TBC1D19: variants seen among roughly 807,000 people sequenced by gnomAD.
TBC1D19 encodes the protein TBC1 domain family, member 19.
TBC1D19 carries 60 observed loss-of-function variants against 89.0 expected under a neutral mutation model. That is an observed-to-expected ratio of 0.67 (90% CI 0.55 to 0.84). The LOEUF is 0.84. Among genes scored for constraint, TBC1D19 ranks in the 40% least tolerant of loss-of-function variants. TBC1D19 has a pLI of 0.00. For missense variants in TBC1D19, 500 were observed against 610.8 expected, an observed-to-expected ratio of 0.82 and a Z score of 1.91; for synonymous variants, 189 against 199.7, an observed-to-expected ratio of 0.95 and a Z score of 0.45.
the TBC1D19 span, among the ~76,000 whole-genome samples, chr4:26,851,307 A>ATCTATCTATCTATCTG: frequency 2.2e-5 from 1 of 45,378 alleles, no homozygotes; most frequent in African/African-American, 7.0e-5. Context: ...TAAATACCCT[A>ATCTATCTATCTATCTG]TCTATCTATC....
chr4:26,759,399 A>G (rs28377734), downstream of TBC1D19, among the ~76,000 whole-genome samples: 1,061 of 152,362 alleles, frequency 7.0e-3, 10 homozygotes, highest in African/African-American at 0.024. Flanking sequence ...AGAGGAAAAA[A>G]TGAAATGGTT....
downstream of TBC1D19, among the ~76,000 whole-genome samples, chr4:26,756,236 C>T (rs1337829414): frequency 6.6e-6 from 1 of 152,144 alleles, no homozygotes; most frequent in Non-Finnish European, 1.5e-5. Flanking sequence ...CAGTTATAAT[C>T]CTATGCTTTG....
At chr4:26,811,706 A>G in the TBC1D19 span, among the ~76,000 whole-genome samples, 203 of 152,322 alleles carry the variant, frequency 1.3e-3, no homozygotes, top group South Asian at 6.0e-3. Flanking sequence ...ATTCTTGATG[A>G]TATGCTAAAC....
the TBC1D19 span, among the ~76,000 whole-genome samples, chr4:26,765,270 G>C: frequency 6.6e-6 from 1 of 152,174 alleles, no homozygotes; most frequent in African/African-American, 2.4e-5. Context: ...AGTAAGGTTG[G>C]TGCTGAAGCA....
chr4:26,724,660 C>G (rs936079947), intron 15 of TBC1D19, among the ~76,000 whole-genome samples: 3 of 152,184 alleles, frequency 2.0e-5, no homozygotes, highest in African/African-American at 7.2e-5. Context: ...TGCAGATTGG[C>G]TGGGTATTGG....
Position 26,739,948 on chromosome 4 carries a change from T to G in TBC1D19, c.1202T>G (p.Leu401Arg). Residue 401 changes from leucine (L) to arginine (R), a missense_variant, in exon 17 of 21, where the codon CTC becomes CGC. Leu to Arg is a moderately radical substitution (Grantham distance 102). Around this residue, in one of 2 missense-constraint regions of TBC1D19, gnomAD observed 220 missense variants for 319.1 expected, o/e 0.69. Coordinates refer to ENST00000264866, the MANE Select transcript of TBC1D19 (RefSeq NM_018317.4). ...REMYVRFFFR[L>R]HSISSHPSGI... Reference sequence around the variant, plus strand: ...ATGTATGTGCGTTTTTTCTTCAGACTCCATTCCATCTCTTCTCATCCTTCT... The same window carrying G: ...ATGTATGTGCGTTTTTTCTTCAGACGCCATTCCATCTCTTCTCATCCTTCT... The G allele has an allele frequency of 6.3e-7, 1 of 1,594,474 alleles. No homozygotes were observed. Among genetic ancestry groups the G allele is most frequent in the African/African-American group, 1.3e-5 (1 of 74,170 alleles).
rs371360342 is a variant in TBC1D19, at chr4:26,605,300, G to A, written c.100-7869G>A. On this transcript the variant is annotated intron_variant, in intron 1 of 20. Coordinates refer to ENST00000264866, the MANE Select transcript of TBC1D19 (RefSeq NM_018317.4). Reference sequence around the variant, plus strand: ...TTCCCATCTATGAGTGAGAACATGCGGTGTTTGGTTTTTTGTCCTTGTGAT... The same window carrying A: ...TTCCCATCTATGAGTGAGAACATGCAGTGTTTGGTTTTTTGTCCTTGTGAT... Among the ~76,000 whole-genome samples the A allele has an allele frequency of 9.6e-5, 14 of 145,736 alleles. No individual in the cohort carries two copies. In the South Asian group the frequency reaches 1.1e-3, roughly 11 times the overall value.
At chr4:26,740,007 T>A (rs749012064) in intron 17 of TBC1D19, 34 bp downstream of exon 17, 17 of 1,382,510 alleles carry the variant, frequency 1.2e-5, no homozygotes, top group Non-Finnish European at 1.6e-5. Flanking sequence ...TCAAATTAGG[T>A]TGGATTGTAA....
intron 13 of TBC1D19, among the ~76,000 whole-genome samples, chr4:26,693,123 T>TAA (rs56037009): frequency 3.7e-5 from 5 of 136,204 alleles, no homozygotes; most frequent in East Asian, 2.1e-4. Flanking sequence ...AAGACTGTCT[T>TAA]AAAAAAAAAA....
At chr4:26,817,364 C>T in the TBC1D19 span, among the ~76,000 whole-genome samples, 2,164 of 152,158 alleles carry the variant, frequency 0.014, 54 homozygotes, top group African/African-American at 0.05. Context: ...GATCAACAAA[C>T]GTCCTTTAAC....
chr4:26,857,634 A>T, the TBC1D19 span: 1 of 152,080 alleles, frequency 6.6e-6, no homozygotes, highest in Non-Finnish European at 1.5e-5. Flanking sequence ...CCCGGAACCC[A>T]GCAGCTTGAG....
chr4:26,750,109 A>T (rs1262389018), intron 19 of TBC1D19, among the ~76,000 whole-genome samples: 1 of 152,182 alleles, frequency 6.6e-6, no homozygotes, highest in Non-Finnish European at 1.5e-5. Flanking sequence ...TTTCTGGATA[A>T]TATGGCTCAT....
chr4:26,632,694 A>C (rs1288598734), intron 4 of TBC1D19, among the ~76,000 whole-genome samples: 2 of 152,030 alleles, frequency 1.3e-5, no homozygotes, highest in Non-Finnish European at 2.9e-5. Context: ...CATTTTTCTA[A>C]AAATATTTCT....
At chr4:26,703,815 G>A (rs990478079) in intron 13 of TBC1D19, among the ~76,000 whole-genome samples, 1 of 151,586 alleles carries the variant, frequency 6.6e-6, no homozygotes, top group Admixed American at 6.6e-5. Flanking sequence ...AAAAAAATTA[G>A]CTGGGCGTGG....
At chr4:26,595,027 A>G (rs759763782) in intron 1 of TBC1D19, among the ~76,000 whole-genome samples, 2 of 152,244 alleles carry the variant, frequency 1.3e-5, no homozygotes, top group Non-Finnish European at 2.9e-5. Flanking sequence ...CCTGTCTTCC[A>G]ATGAGGCTGT....
At chr4:26,630,060 G>A (rs901775754) in intron 4 of TBC1D19, among the ~76,000 whole-genome samples, 31 of 151,088 alleles carry the variant, frequency 2.1e-4, no homozygotes, top group Admixed American at 1.2e-3. Context: ...TTTTTTTTAC[G>A]TGCTATTTGT....
At chr4:26,832,884 C>G in the TBC1D19 span, among the ~76,000 whole-genome samples, 2 of 152,072 alleles carry the variant, frequency 1.3e-5, no homozygotes, top group East Asian at 3.8e-4. Flanking sequence ...ATCCCAGCTA[C>G]TAGGGAGGCT....
rs538047323 is a variant in TBC1D19, at chr4:26,653,469, G to A, written c.481-6128G>A. On this transcript the variant is annotated intron_variant, in intron 7 of 20. Transcript: ENST00000264866. ...GGTTGATCTGTCTAATGTTGACAGT[G>A]GGGTGTTAAAGTCTCCCATTATTAT... 6.6e-4 allele frequency among the ~76,000 whole-genome samples: 101 copies of A among 152,248 alleles called. 1 individual carries two copies. The highest frequency in any genetic ancestry group is 2.3e-3 in the African/African-American group (94 of 41,542).
chr4:26,644,729 G>C (rs1743796741), intron 7 of TBC1D19, among the ~76,000 whole-genome samples: 1 of 152,152 alleles, frequency 6.6e-6, no homozygotes, highest in South Asian at 2.1e-4. Flanking sequence ...CAAAGTCTCA[G>C]GATACAAAAT....
Sources: gnomAD v4.1 joint callset for allele counts (sites outside exome capture counted in the v4.1 genomes callset) on GRCh38, gnomAD v4.1.1 for gene constraint, gnomAD v4.1.1 regional missense constraint, MANE v1.5 for transcripts, NCBI Gene and HGNC (gene_info 2026-07-23, HGNC 2026-07-21) for gene names.